The following CELSR1 variants were observed in gnomAD, a reference collection of about 807,000 sequenced individuals.
CELSR1 encodes the protein cadherin EGF LAG seven-pass G-type receptor 1.
A neutral mutation model predicts 249.1 loss-of-function variants in CELSR1; 110 were observed. That is an observed-to-expected ratio of 0.44 (90% CI 0.38 to 0.52). CELSR1 has a LOEUF of 0.52. CELSR1 is among the 20% of genes least tolerant of loss of function. The pLI, the probability that CELSR1 is intolerant of heterozygous loss-of-function variation, is 0.00. For missense variants in CELSR1, 4,109 were observed against 4,296.4 expected (o/e 0.96, Z 1.22); for synonymous variants, 2,113 against 1,900.0 (o/e 1.11, Z -2.92).
intron 19 of CELSR1, among the ~76,000 whole-genome samples, chr22:46,385,383 C>T (rs1455558135): frequency 1.3e-5 from 2 of 152,228 alleles, no homozygotes; most frequent in Admixed American, 1.3e-4. Flanking sequence ...GTGTGAACTA[C>T]CACGCCCAGC....
At position 46,399,735 on chromosome 22, in the gene CELSR1, C is replaced by T; in HGVS notation, c.5394G>A (p.Leu1798=). 1 of 1,614,012 alleles carries T rather than the reference C, an allele frequency of 6.2e-7. No homozygotes were observed. The highest frequency in any genetic ancestry group is 8.5e-7 in the Non-Finnish European group (1 of 1,179,894). The change falls in exon 10 of 35, where the codon TTG becomes TTA. Residue 1798 remains leucine (L), a synonymous_variant. Coordinates refer to ENST00000674500, the MANE Select transcript of CELSR1 (RefSeq NM_001378328.1). The surrounding 1 kb of genome is among the most constrained non-coding windows in gnomAD (Gnocchi z 5.0). The part of the protein sequence containing the change: ...SEMKHLVTMT[L]DYGMDQNKAD... The stretch of plus-strand genomic sequence containing the variant: ...AGCTCACCTGGTCCATCCCATAGTC[C>T]AAGGTCATGGTGACCAGGTGCTTCA...
At position 46,417,858 on chromosome 22, in the gene CELSR1, G is replaced by C. The variant is rs1382609343; in HGVS notation, c.4612-6099C>G. Among the ~76,000 whole-genome samples, 1 of 152,234 alleles carries C rather than the reference G, an allele frequency of 6.6e-6. No homozygotes were observed. The highest frequency in any genetic ancestry group is 1.5e-5 in the Non-Finnish European group (1 of 68,048). On this transcript the variant is annotated intron_variant, in intron 5 of 34. Coordinates refer to ENST00000674500, the MANE Select transcript of CELSR1 (RefSeq NM_001378328.1). This position sits in a 1 kb window ranked among gnomAD's most constrained non-coding sequence, Gnocchi z 4.1. ...TACTATCATCCTCATTCTCAACTCA[G>C]AGTCCAGCTGGGCGGGCCCAAGGCC...
chr22:46,509,337 G>T (rs1359553583), intron 1 of CELSR1, among the ~76,000 whole-genome samples: 1 of 152,224 alleles, frequency 6.6e-6, no homozygotes, highest in East Asian at 1.9e-4. Flanking sequence ...GGTGCAGAGG[G>T]GGTGATGGGT....
chr22:46,409,690 C>T lies in CELSR1; in HGVS notation c.5059+65G>A. The stretch of plus-strand genomic sequence containing the variant: ...GAAGCCCCCTCACGGTGGTCCCGGG[C>T]ACATCAAGGAGCAATGCCTCCCAGG... On this transcript the variant is annotated intron_variant, in intron 8 of 34. Transcript: ENST00000674500. The surrounding 1 kb of genome is among the most constrained non-coding windows in gnomAD (Gnocchi z 9.8). The T allele has an allele frequency of 6.3e-7, 1 of 1,596,088 alleles. No individual in the cohort carries two copies. Among genetic ancestry groups the T allele is most frequent in the Non-Finnish European group, 8.5e-7 (1 of 1,173,974 alleles).
In CELSR1 at chr22:46,362,735, A is replaced by C; in HGVS notation, c.*488T>G. ...GTATCTCCACCTTTCCCACATAGCG[A>C]AGTGATTTTAAGACAAGGGGTGCCT... On this transcript the variant is annotated 3_prime_UTR_variant, in exon 35 of 35. Transcript: ENST00000674500. The C allele has an allele frequency of 5.6e-6, 1 of 179,906 alleles. No homozygotes were observed. 11.1% of individuals were successfully genotyped at this position (179,906 alleles called of 1,614,324 possible).
At chr22:46,474,751 C>T (rs2080190469) in intron 1 of CELSR1, among the ~76,000 whole-genome samples, 1 of 143,356 alleles carries the variant, frequency 7.0e-6, no homozygotes, top group African/African-American at 2.6e-5. Flanking sequence ...TTCCTCACCT[C>T]CCCAGATTCT....
At chr22:46,378,569 G>A (rs936652593) in intron 23 of CELSR1, 22 bp downstream of exon 23, 1 of 1,549,464 alleles carries the variant, frequency 6.5e-7, no homozygotes, top group South Asian at 1.2e-5. Context: ...AGAGGGCACA[G>A]TGGCCACGGG....
rs1437684633 is a variant in CELSR1, at chr22:46,428,045, G to A, written c.4611+5348C>T. ...GTTTTGAATGACCTGACAAGCAACA[G>A]GTGAGCAATCCCTAATGACAGCAGG... On this transcript the variant is annotated intron_variant, in intron 5 of 34. Coordinates refer to ENST00000674500, the MANE Select transcript of CELSR1 (RefSeq NM_001378328.1). This position sits in a 1 kb window ranked among gnomAD's most constrained non-coding sequence, Gnocchi z 5.7. Among the ~76,000 whole-genome samples the A allele has an allele frequency of 2.6e-5, 4 of 152,152 alleles. No individual in the cohort carries two copies. In the East Asian group the frequency reaches 7.7e-4, roughly 29 times the overall value.
At position 46,512,962 on chromosome 22, in the gene CELSR1, A is replaced by C. The variant is rs2080588980; in HGVS notation, c.3544+20665T>G. Among the ~76,000 whole-genome samples, 2 of 152,156 alleles carry C rather than the reference A, an allele frequency of 1.3e-5. No homozygotes were observed. The highest frequency in any genetic ancestry group is 1.3e-4 in the Admixed American group (2 of 15,282). Reference sequence around the variant, plus strand: ...TCCAGGCTGGGCCTCTGTGCTACTCACGCACTGCTGCTGACCTCATCTGTC... The same window carrying C: ...TCCAGGCTGGGCCTCTGTGCTACTCCCGCACTGCTGCTGACCTCATCTGTC... On this transcript the variant is annotated intron_variant, in intron 1 of 34. Transcript: ENST00000674500. The surrounding 1 kb of genome is among the most constrained non-coding windows in gnomAD (Gnocchi z 5.2).
At position 46,407,445 on chromosome 22, in the gene CELSR1, CA is replaced by C. The variant is rs2147315665; in HGVS notation, c.5226+1550del. On this transcript the variant is annotated intron_variant, in intron 9 of 34. Transcript: ENST00000674500. The surrounding 1 kb of genome is among the most constrained non-coding windows in gnomAD (Gnocchi z 4.8). ...AGGAGTTCGAGACCAGCCTGGTCAA[CA>C]TAGCAAAACCCTGTCTCTACTAAAA... 2.6e-5 allele frequency among the ~76,000 whole-genome samples: 4 copies of C among 152,236 alleles called. 1 individual carries two copies. In the South Asian group the frequency reaches 8.3e-4, roughly 32 times the overall value.
rs180811265 is a variant in CELSR1 at position 46,427,163 on chromosome 22, G to C, written c.4611+6230C>G. On this transcript the variant is annotated intron_variant, in intron 5 of 34. Coordinates refer to ENST00000674500, the MANE Select transcript of CELSR1 (RefSeq NM_001378328.1). The surrounding 1 kb of genome is among the most constrained non-coding windows in gnomAD (Gnocchi z 4.2). ...TGTCCTAGCTCTGCCCAGTAAGAGA[G>C]ACTGGGAGTGAGACACCCCAAAGCA... Among the ~76,000 whole-genome samples the C allele has an allele frequency of 2.1e-3, 324 of 152,290 alleles. 1 individual carries two copies. The highest frequency in any genetic ancestry group is 2.9e-3 in the Non-Finnish European group (194 of 68,022).
Position 46,516,813 on chromosome 22 carries a change from C to T in CELSR1, c.3544+16814G>A, listed in dbSNP as rs564118839. 5.8e-4 allele frequency among the ~76,000 whole-genome samples: 89 copies of T among 152,316 alleles called. 1 individual carries two copies. In the South Asian group the frequency reaches 0.015, roughly 26 times the overall value. On this transcript the variant is annotated intron_variant, in intron 1 of 34. Transcript: ENST00000674500. ...ACACAGGCAACACCCTATGTTGTGC[C>T]AGGCAGGAAGCTGCGGGGTGGGGAC...
At chr22:46,369,845 G>A (rs1218332495) in intron 25 of CELSR1, 41 bp from the exon 26 acceptor site, 13 of 1,559,322 alleles carry the variant, frequency 8.3e-6, no homozygotes, top group East Asian at 2.2e-5. Context: ...AGGGCCACGT[G>A]CCCAGTGGCC....
At chr22:46,368,420 T>C (rs2078812076) in intron 27 of CELSR1, among the ~76,000 whole-genome samples, 1 of 148,590 alleles carries the variant, frequency 6.7e-6, no homozygotes, top group Non-Finnish European at 1.5e-5. Flanking sequence ...TGCACCCCCA[T>C]ATCCGGCCTT....
Position 46,378,685 on chromosome 22 carries a change from C to G in CELSR1, c.7289G>C (p.Gly2430Ala). 1 of 1,612,304 alleles carries G rather than the reference C, an allele frequency of 6.2e-7. No individual in the cohort carries two copies. The highest frequency in any genetic ancestry group is 8.5e-7 in the Non-Finnish European group (1 of 1,179,758). The change falls in exon 23 of 35, where the codon GGC becomes GCC. Residue 2430 changes from glycine to alanine, a missense_variant. By Grantham distance (60) the Gly-to-Ala change is moderately conservative. This residue lies in a region of CELSR1 where 1,805 missense variants were observed against 1,831.6 expected (regional missense o/e 0.99). Coordinates refer to ENST00000674500, the MANE Select transcript of CELSR1 (RefSeq NM_001378328.1). The stretch of plus-strand genomic sequence containing the variant: ...CCGGTTCCTGGACAGGAGCTCGCAG[C>G]CCCGGGCAGACCACCCTCCCGTCCC... Reference protein sequence around the residue: ...VGGTGGWSARGCELLSRNRTH... With the variant: ...VGGTGGWSARACELLSRNRTH...
chr22:46,460,178 A>AAC (rs544352270), intron 2 of CELSR1, among the ~76,000 whole-genome samples: 3,473 of 103,002 alleles, frequency 0.034, 104 homozygotes, highest in African/African-American at 0.11. Flanking sequence ...TCAGTCTCAA[A>AAC]ACACACACAC....
Position 46,464,462 on chromosome 22 carries a change from T to C in CELSR1, c.3545-117A>G. 1 of 1,031,810 alleles carries C rather than the reference T, an allele frequency of 9.7e-7. No individual in the cohort carries two copies. The highest frequency in any genetic ancestry group is 1.4e-6 in the Non-Finnish European group (1 of 719,848). The allele number at this position is 1,031,810 out of a possible 1,614,324, so 63.9% of individuals were successfully genotyped here. On this transcript the variant is annotated intron_variant, in intron 1 of 34. Coordinates refer to ENST00000674500, the MANE Select transcript of CELSR1 (RefSeq NM_001378328.1). The surrounding 1 kb of genome is among the most constrained non-coding windows in gnomAD (Gnocchi z 8.5). ...GGCAAAGGAGAAGAGAGCCTGGGCA[T>C]CCCCACTCCCCATTCCCCACCCATG...
rs971145831 is a variant in CELSR1 at position 46,390,693 on chromosome 22, C to T, written c.6251-207G>A. 4.6e-5 allele frequency among the ~76,000 whole-genome samples: 7 copies of T among 152,156 alleles called. No individual in the cohort carries two copies. The highest frequency in any genetic ancestry group is 1.9e-4 in the East Asian group (1 of 5,186). On this transcript the variant is annotated intron_variant, in intron 16 of 34. Transcript: ENST00000674500. The surrounding 1 kb of genome is among the most constrained non-coding windows in gnomAD (Gnocchi z 6.3). Reference sequence around the variant, plus strand: ...CTCTGACACTGACAACCAGGCGTTTCGGGAGCCCAGCCAACAGGAGCCAGC... The same window carrying T: ...CTCTGACACTGACAACCAGGCGTTTTGGGAGCCCAGCCAACAGGAGCCAGC...
intron 9 of CELSR1, among the ~76,000 whole-genome samples, chr22:46,403,941 C>G (rs1227266399): frequency 3.4e-5 from 5 of 145,204 alleles, no homozygotes; most frequent in Non-Finnish European, 6.0e-5. Flanking sequence ...CCACTGCACT[C>G]CAGCCTGGTG....
Sources: allele counts gnomAD v4.1 joint callset (sites outside exome capture counted in the v4.1 genomes callset), GRCh38; gene constraint gnomAD v4.1.1; regional missense constraint gnomAD v4.1.1; non-coding constraint Gnocchi (gnomAD v3.1); transcripts MANE v1.5; gene names NCBI Gene and HGNC (gene_info 2026-07-23, HGNC 2026-07-21).